The following TGFBRAP1 variants were observed in gnomAD, a reference collection of about 807,000 sequenced individuals.
The protein encoded by TGFBRAP1 is transforming growth factor-beta receptor-associated protein 1.
Under a neutral mutation model 83.2 loss-of-function variants are expected in TGFBRAP1, and 20 were observed. That is an observed-to-expected ratio of 0.24 (90% CI 0.17 to 0.35). The LOEUF (loss-of-function observed/expected upper bound fraction) is 0.35. TGFBRAP1 is among the 10% of genes least tolerant of loss of function. The pLI is 1.00. For synonymous variants in TGFBRAP1, 415 were observed against 459.8 expected, an observed-to-expected ratio of 0.90 and a Z score of 1.25; for missense variants, 950 against 1,099.4, an observed-to-expected ratio of 0.86 and a Z score of 1.92.
the TGFBRAP1 span, among the ~76,000 whole-genome samples, chr2:105,253,700 A>C: frequency 6.6e-6 from 1 of 152,038 alleles, no homozygotes; most frequent in African/African-American, 2.4e-5. Context: ...CTCCCAAAGC[A>C]CTGGGATTAC....
Position 105,265,434 on chromosome 2 carries a change from A to C in TGFBRAP1, c.*1949T>G, listed in dbSNP as rs529583043. 2 of 152,420 alleles carry C rather than the reference A, an allele frequency of 1.3e-5. No individual in the cohort carries two copies. The highest frequency in any genetic ancestry group is 2.4e-5 in the African/African-American group (1 of 41,436). 9.4% of individuals were successfully genotyped at this position (152,420 alleles called of 1,614,324 possible). A position where few individuals can be genotyped will look rare whatever the true frequency, so the allele number is the denominator to read the frequency against. ...CAGTGAGCCGAGATTGCGCCACTGC[A>C]CTCCAGCCTGGGTGACAGAGTGAGA... On this transcript the variant is annotated 3_prime_UTR_variant, in exon 12 of 12. Coordinates refer to ENST00000393359, the MANE Select transcript of TGFBRAP1 (RefSeq NM_004257.6).
chr2:105,260,863 T>C (rs1200549713), downstream of TGFBRAP1, among the ~76,000 whole-genome samples: 1 of 152,172 alleles, frequency 6.6e-6, no homozygotes, highest in Non-Finnish European at 1.5e-5. Context: ...AACCTGTCTT[T>C]TTTGGGGAGG....
chr2:105,316,454 T>C (rs1187333631), intron 1 of TGFBRAP1, among the ~76,000 whole-genome samples: 27 of 75,770 alleles, frequency 3.6e-4, no homozygotes, highest in East Asian at 1.1e-3. Flanking sequence ...TGTGTGTGTG[T>C]GTGTGTGTGC....
At chr2:105,263,529 C>T (rs1382957836), downstream of TGFBRAP1, among the ~76,000 whole-genome samples, 1 of 152,144 alleles carries the variant, frequency 6.6e-6, no homozygotes, top group Non-Finnish European at 1.5e-5. Flanking sequence ...GACACCTTGC[C>T]TCTATTCACA....
intron 4 of TGFBRAP1, 130 bp from the exon 5 acceptor site, chr2:105,284,528 A>T: frequency 1.3e-6 from 1 of 773,890 alleles, no homozygotes; most frequent in South Asian, 1.6e-5. Context: ...GGAAAAAACA[A>T]GGTGCATATG....
chr2:105,277,408 A>G (rs1376819188), intron 7 of TGFBRAP1, among the ~76,000 whole-genome samples: 6 of 152,200 alleles, frequency 3.9e-5, no homozygotes, highest in Admixed American at 3.3e-4. Context: ...TTCTTTAAGG[A>G]GATGGAAAGA....
intron 4 of TGFBRAP1, among the ~76,000 whole-genome samples, chr2:105,290,023 C>G (rs2679895): frequency 0.79 from 120,131 of 152,196 alleles, 47,556 homozygotes; most frequent in African/African-American, 0.83. Flanking sequence ...CTATATGAGA[C>G]AAAAAGCATC....
At chr2:105,287,894 C>T (rs2104352186) in intron 4 of TGFBRAP1, among the ~76,000 whole-genome samples, 1 of 152,054 alleles carries the variant, frequency 6.6e-6, no homozygotes, top group South Asian at 2.1e-4. Context: ...AGGAAACTTC[C>T]TACAAGCACC....
At chr2:105,310,713 C>T (rs778069093) in intron 1 of TGFBRAP1, among the ~76,000 whole-genome samples, 20 of 152,216 alleles carry the variant, frequency 1.3e-4, no homozygotes, top group Non-Finnish European at 2.4e-4. Context: ...AACATAACCA[C>T]CAAAACCCAC....
chr2:105,278,981 A>G (rs1227292182), intron 6 of TGFBRAP1, among the ~76,000 whole-genome samples: 1 of 152,068 alleles, frequency 6.6e-6, no homozygotes, highest in Non-Finnish European at 1.5e-5. Flanking sequence ...ATACTAGCAC[A>G]GTGACCCCAG....
intron 1 of TGFBRAP1, among the ~76,000 whole-genome samples, chr2:105,321,436 G>A (rs1426874403): frequency 1.3e-5 from 2 of 152,106 alleles, no homozygotes; most frequent in Non-Finnish European, 2.9e-5. Context: ...CCAAAGTGCT[G>A]GGATTACAGG....
chr2:105,306,859 G>A (rs984164752), intron 2 of TGFBRAP1, among the ~76,000 whole-genome samples: 2 of 151,512 alleles, frequency 1.3e-5, no homozygotes, highest in African/African-American at 4.8e-5. Flanking sequence ...GGGAAAGAGG[G>A]TAAAGGAGAA....
chr2:105,296,348 T>C lies in TGFBRAP1; in HGVS notation c.1038+8A>G, dbSNP rs369956167. The C allele has an allele frequency of 9.3e-6, 15 of 1,613,492 alleles. No individual in the cohort carries two copies. Among genetic ancestry groups the C allele is most frequent in the Non-Finnish European group, 1.3e-5 (15 of 1,179,890 alleles). On this transcript the variant is annotated splice_region_variant and intron_variant, in intron 4 of 11. Transcript: ENST00000393359. Reference sequence around the variant, plus strand: ...GAGGCATATTTCTGTGACCAGTTAATTACAAACCTGAAATTTTTCCTTTGG... The same window carrying C: ...GAGGCATATTTCTGTGACCAGTTAACTACAAACCTGAAATTTTTCCTTTGG...
intron 4 of TGFBRAP1, among the ~76,000 whole-genome samples, chr2:105,294,110 T>C (rs191504404): frequency 2.0e-5 from 3 of 152,352 alleles, no homozygotes; most frequent in African/African-American, 4.8e-5. Flanking sequence ...ATGGCTGATC[T>C]GCCATGTCTT....
chr2:105,314,445 T>TTTCA (rs1678788964), intron 1 of TGFBRAP1, among the ~76,000 whole-genome samples: 1 of 150,144 alleles, frequency 6.7e-6, no homozygotes, highest in Non-Finnish European at 1.5e-5. Flanking sequence ...AGAGACAGGG[T>TTTCA]TTCACCGTGT....
intron 8 of TGFBRAP1, among the ~76,000 whole-genome samples, chr2:105,274,178 A>T (rs1011679586): frequency 1.3e-5 from 2 of 152,190 alleles, no homozygotes; most frequent in Non-Finnish European, 2.9e-5. Flanking sequence ...TTTATGATAG[A>T]TGGTTAATCT....
At chr2:105,259,355 C>T in the TGFBRAP1 span, among the ~76,000 whole-genome samples, 1 of 152,206 alleles carries the variant, frequency 6.6e-6, no homozygotes, top group African/African-American at 2.4e-5. Context: ...GCTGTCTATA[C>T]TGCCTGCAAA....
chr2:105,264,035 G>A (rs1487087536), downstream of TGFBRAP1, among the ~76,000 whole-genome samples: 1 of 152,248 alleles, frequency 6.6e-6, no homozygotes, highest in African/African-American at 2.4e-5. Context: ...ATCAACAACA[G>A]TGTAGGGGAT....
chr2:105,325,258 G>A (rs1679191274), intron 1 of TGFBRAP1: 1 of 152,810 alleles, frequency 6.5e-6, no homozygotes, highest in Admixed American at 6.5e-5. Flanking sequence ...CTGCAGCCCT[G>A]GCTGACACCC....
Sources: gnomAD v4.1 joint callset for allele counts (sites outside exome capture counted in the v4.1 genomes callset) on GRCh38, gnomAD v4.1.1 for gene constraint, MANE v1.5 for transcripts, NCBI Gene and HGNC (gene_info 2026-07-23, HGNC 2026-07-21) for gene names.